The following PATJ variants were observed in gnomAD, a reference collection of about 807,000 sequenced individuals.
PATJ encodes inaD-like protein.
In PATJ, 190 loss-of-function variants were observed where a neutral mutation model predicts 224.9. The ratio of observed to expected loss-of-function variants is 0.84; its 90% confidence interval spans 0.75 to 0.95. The LOEUF is 0.95. Among genes scored for constraint, PATJ ranks in the 40% least tolerant of loss-of-function variants. The pLI, the probability that PATJ is intolerant of heterozygous loss-of-function variation, is 0.00. For missense variants in PATJ, 2,121 were observed against 2,270.3 expected (o/e 0.93, Z 1.34); for synonymous variants, 769 against 820.3 (o/e 0.94, Z 1.07).
chr1:61,744,284 C>CAAAAAA (rs35247131), intron 1 of PATJ, among the ~76,000 whole-genome samples: 2 of 69,642 alleles, frequency 2.9e-5, no homozygotes, highest in African/African-American at 5.7e-5. Flanking sequence ...AACCCTGTCT[C>CAAAAAA]AAAAAAAAAA....
chr1:61,819,483 C>T (rs1241301538), intron 14 of PATJ, among the ~76,000 whole-genome samples: 1 of 152,140 alleles, frequency 6.6e-6, no homozygotes, highest in East Asian at 1.9e-4. Flanking sequence ...ATTTCCAGCT[C>T]ATAGCCCAAT....
intron 29 of PATJ, among the ~76,000 whole-genome samples, chr1:62,032,998 A>G (rs1297696600): frequency 3.3e-5 from 5 of 152,162 alleles, no homozygotes; most frequent in Non-Finnish European, 5.9e-5. Flanking sequence ...GCATGGGGGA[A>G]ACTGCCCCCA....
chr1:62,140,243 T>C (rs1429765037), intron 41 of PATJ, among the ~76,000 whole-genome samples: 3 of 152,186 alleles, frequency 2.0e-5, no homozygotes, highest in African/African-American at 4.8e-5. Flanking sequence ...TTATCAGTTT[T>C]TTTCATTTCG....
intron 27 of PATJ, among the ~76,000 whole-genome samples, chr1:61,966,169 G>A (rs775535878): frequency 7.2e-5 from 11 of 152,076 alleles, no homozygotes; most frequent in Non-Finnish European, 1.3e-4. Context: ...CAAAGTGCTG[G>A]GATTACAGGC....
intron 39 of PATJ, among the ~76,000 whole-genome samples, chr1:62,123,391 A>G (rs145699137): frequency 6.6e-6 from 1 of 151,864 alleles, no homozygotes; most frequent in Admixed American, 6.6e-5. Context: ...CACATACTAA[A>G]TAAGTATTTT....
At chr1:62,138,535 G>A (rs1352543083) in intron 41 of PATJ, among the ~76,000 whole-genome samples, 1 of 152,126 alleles carries the variant, frequency 6.6e-6, no homozygotes, top group Non-Finnish European at 1.5e-5. Context: ...ACAAACTCCT[G>A]ACCTCAGGTG....
At chr1:61,833,097 A>G (rs1232343041) in intron 16 of PATJ, among the ~76,000 whole-genome samples, 1 of 152,086 alleles carries the variant, frequency 6.6e-6, no homozygotes, top group African/African-American at 2.4e-5. Flanking sequence ...TTAGACTTAA[A>G]TGATGTCCAA....
chr1:61,899,547 A>C (rs542107578), intron 22 of PATJ, 36 bp from the exon 23 acceptor site: 2 of 1,483,938 alleles, frequency 1.3e-6, no homozygotes, highest in East Asian at 4.5e-5. Flanking sequence ...AGTATGCCCT[A>C]AAATTGTGTG....
chr1:62,142,124 T>TA lies in PATJ; in HGVS notation c.5272-6151dup, dbSNP rs111470701. On this transcript the variant is annotated intron_variant, in intron 41 of 43. Coordinates refer to ENST00000642238, the MANE Select transcript of PATJ (RefSeq NM_001350145.3). ...CACATCTTGGCATTTGACGATACCT[T>TA]AAAAAAAAACACTATTTTAGTGACT... Among the ~76,000 whole-genome samples the TA allele has an allele frequency of 1.4e-4, 21 of 151,246 alleles. No homozygotes were observed. In the South Asian group the frequency reaches 1.5e-3, roughly 11 times the overall value.
intron 34 of PATJ, 79 bp from the exon 35 acceptor site, chr1:62,113,974 A>T: frequency 7.4e-7 from 1 of 1,360,126 alleles, no homozygotes; most frequent in Non-Finnish European, 1.0e-6. Context: ...TTTACTGGTT[A>T]GATCAAGGAG....
At chr1:61,866,150 G>A (rs1361702968) in intron 20 of PATJ, among the ~76,000 whole-genome samples, 2 of 152,110 alleles carry the variant, frequency 1.3e-5, no homozygotes, top group African/African-American at 2.4e-5. Flanking sequence ...AGTGCTTAAC[G>A]CCAAACAGCA....
intron 7 of PATJ, among the ~76,000 whole-genome samples, chr1:61,786,474 T>C (rs1648554696): frequency 6.6e-6 from 1 of 152,126 alleles, no homozygotes; most frequent in African/African-American, 2.4e-5. Flanking sequence ...TCTGGCTGTA[T>C]ACCTGTTACT....
intron 17 of PATJ, among the ~76,000 whole-genome samples, chr1:61,848,504 C>T (rs535409625): frequency 2.6e-5 from 4 of 152,204 alleles, no homozygotes; most frequent in African/African-American, 9.6e-5. Flanking sequence ...ATAAAAGAAC[C>T]TTTCCTTTGC....
chr1:62,106,063 A>AAAAAATAT (rs34767684), intron 33 of PATJ, among the ~76,000 whole-genome samples: 10 of 39,662 alleles, frequency 2.5e-4, no homozygotes, highest in Admixed American at 1.2e-3. Context: ...AAAAAAAAAA[A>AAAAAATAT]ATATATATAT....
chr1:61,858,419 G>A (rs1425795508), intron 18 of PATJ, among the ~76,000 whole-genome samples: 4 of 152,042 alleles, frequency 2.6e-5, no homozygotes, highest in South Asian at 2.1e-4. Context: ...TCACCACCAC[G>A]CTCAGCTAAT....
chr1:62,110,799 C>T (rs1663707619), intron 34 of PATJ, among the ~76,000 whole-genome samples: 1 of 152,210 alleles, frequency 6.6e-6, no homozygotes, highest in Non-Finnish European at 1.5e-5. Flanking sequence ...GGCCCTTCCA[C>T]CCAAGGGATG....
intron 17 of PATJ, among the ~76,000 whole-genome samples, chr1:61,854,749 C>T (rs894778331): frequency 3.3e-5 from 5 of 152,086 alleles, no homozygotes; most frequent in Admixed American, 6.6e-5. Context: ...GATTGTCAAG[C>T]CCAACATATA....
chr1:61,897,229 C>T (rs1670502801), intron 22 of PATJ, among the ~76,000 whole-genome samples: 1 of 152,112 alleles, frequency 6.6e-6, no homozygotes, highest in African/African-American at 2.4e-5. Context: ...GCTATAATTA[C>T]AGTTATATAA....
chr1:62,104,677 T>C (rs1341453640), intron 33 of PATJ, among the ~76,000 whole-genome samples: 1 of 152,184 alleles, frequency 6.6e-6, no homozygotes, highest in Non-Finnish European at 1.5e-5. Context: ...TTATTTTTTA[T>C]TTTTTTATTT....
Sources: allele counts gnomAD v4.1 joint callset (sites outside exome capture counted in the v4.1 genomes callset), GRCh38; gene constraint gnomAD v4.1.1; transcripts MANE v1.5; gene names NCBI Gene and HGNC (gene_info 2026-07-23, HGNC 2026-07-21).